EFR3B: variants seen among roughly 807,000 people sequenced by gnomAD.
The protein encoded by EFR3B is protein EFR3 homolog B.
EFR3B carries 64 observed loss-of-function variants against 104.7 expected under a neutral mutation model. The ratio of observed to expected loss-of-function variants is 0.61; its 90% CI spans 0.50 to 0.75. EFR3B has a LOEUF of 0.75. EFR3B is among the 30% of genes least tolerant of loss of function. The pLI, the probability that EFR3B is intolerant of heterozygous loss-of-function variation, is 0.00. For synonymous variants in EFR3B, 385 were observed against 417.9 expected, an observed-to-expected ratio of 0.92 and a Z score of 0.96; for missense variants, 750 against 1,078.5, an observed-to-expected ratio of 0.70 and a Z score of 4.27.
chr2:25,076,729 AAATC>A (rs1461666290), intron 1 of EFR3B, among the ~76,000 whole-genome samples: 1 of 152,218 alleles, frequency 6.6e-6, no homozygotes, highest in Non-Finnish European at 1.5e-5. Flanking sequence ...CCCTGACATT[AAATC>A]AATCAGACAC....
At chr2:25,144,883 A>C in intron 18 of EFR3B, 77 bp from the exon 19 acceptor site, 1 of 1,267,216 alleles carries the variant, frequency 7.9e-7, no homozygotes, top group Non-Finnish European at 1.1e-6. Context: ...GCAGAGGGGT[A>C]GGGAGGTGGG....
intron 5 of EFR3B, among the ~76,000 whole-genome samples, chr2:25,123,786 C>T (rs1346983154): frequency 6.6e-6 from 1 of 152,268 alleles, no homozygotes; most frequent in African/African-American, 2.4e-5. Context: ...ACTCATGCCA[C>T]TGCACACACG....
chr2:25,089,373 C>T (rs957929325), intron 1 of EFR3B, among the ~76,000 whole-genome samples: 1 of 152,184 alleles, frequency 6.6e-6, no homozygotes, highest in African/African-American at 2.4e-5. Context: ...CAGGCCTCAG[C>T]TCACAGGCCC....
chr2:25,108,429 A>G (rs1046185567), intron 4 of EFR3B, among the ~76,000 whole-genome samples: 4 of 152,216 alleles, frequency 2.6e-5, no homozygotes, highest in African/African-American at 9.6e-5. Flanking sequence ...CTCTACATAA[A>G]CAATCTAATA....
chr2:25,045,527 A>T (rs1351892074), intron 1 of EFR3B, among the ~76,000 whole-genome samples: 1 of 152,220 alleles, frequency 6.6e-6, no homozygotes, highest in Non-Finnish European at 1.5e-5. Context: ...CACGCCTGTT[A>T]TCCCAGCACT....
Position 25,090,938 on chromosome 2 carries a change from G to A in EFR3B, c.8-387G>A, listed in dbSNP as rs561445200. Among the ~76,000 whole-genome samples the A allele has an allele frequency of 2.6e-5, 4 of 152,310 alleles. No individual in the cohort carries two copies. The East Asian group carries it at 5.8e-4, about 22-fold the overall frequency. ...AGTTTCATATTCCTGTCCCGGAAACGTGAGTGTGTGTCTGTGTGTGAGTGT... is the reference window on the plus strand; with the variant it reads ...AGTTTCATATTCCTGTCCCGGAAACATGAGTGTGTGTCTGTGTGTGAGTGT... On this transcript the variant is annotated intron_variant, in intron 1 of 22. Transcript: ENST00000403714.
At chr2:25,145,195 C>T (rs907467652) in intron 19 of EFR3B, 144 bp downstream of exon 19, 1 of 715,760 alleles carries the variant, frequency 1.4e-6, no homozygotes, top group African/African-American at 1.8e-5. Context: ...ACTGACTCTC[C>T]CCACGTATGC....
intron 1 of EFR3B, among the ~76,000 whole-genome samples, chr2:25,047,147 G>A (rs1441774731): frequency 6.6e-6 from 1 of 152,130 alleles, no homozygotes; most frequent in Non-Finnish European, 1.5e-5. Context: ...GAAAAATCTG[G>A]AAAAGAGTGG....
At chr2:25,103,835 G>T (rs1669491578) in intron 4 of EFR3B, 48 bp downstream of exon 4, 1 of 1,547,294 alleles carries the variant, frequency 6.5e-7, no homozygotes, top group Non-Finnish European at 8.7e-7. Flanking sequence ...GCATCCTGGG[G>T]GGTGGCAGGG....
chr2:25,045,060 TGTG>T (rs2149161136), intron 1 of EFR3B, among the ~76,000 whole-genome samples: 1 of 152,350 alleles, frequency 6.6e-6, no homozygotes, highest in South Asian at 2.1e-4. Flanking sequence ...CCAGGTCTGT[TGTG>T]AGCATCACAA....
chr2:25,138,935 A>C (rs1670589379), intron 15 of EFR3B, 124 bp from the exon 16 acceptor site: 3 of 1,367,188 alleles, frequency 2.2e-6, no homozygotes. Context: ...TCAAATGCTG[A>C]GAAAGACTTA....
intron 5 of EFR3B, among the ~76,000 whole-genome samples, chr2:25,126,769 A>G (rs563667302): frequency 6.6e-6 from 1 of 152,068 alleles, no homozygotes; most frequent in South Asian, 2.1e-4. Context: ...TGCTGGGGTT[A>G]CAGGTGTGAG....
chr2:25,129,390 G>T (rs1670266580), intron 6 of EFR3B, among the ~76,000 whole-genome samples: 1 of 150,790 alleles, frequency 6.6e-6, no homozygotes, highest in Admixed American at 6.6e-5. Context: ...GGGTTCGTAT[G>T]CCATCTGGTG....
At chr2:25,118,752 A>AAAAAAAAAC (rs1290965691) in intron 4 of EFR3B, among the ~76,000 whole-genome samples, 1 of 148,386 alleles carries the variant, frequency 6.7e-6, no homozygotes. Context: ...AAAAAAAAAA[A>AAAAAAAAAC]AAAAAAGGCA....
At chr2:25,107,114 C>T (rs994942398) in intron 4 of EFR3B, among the ~76,000 whole-genome samples, 2 of 152,128 alleles carry the variant, frequency 1.3e-5, no homozygotes, top group African/African-American at 2.4e-5. Flanking sequence ...GTGATTCTTT[C>T]GGCCCCTGTG....
chr2:25,138,328 G>A (rs556295832), intron 15 of EFR3B, among the ~76,000 whole-genome samples: 1 of 152,308 alleles, frequency 6.6e-6, no homozygotes, highest in African/African-American at 2.4e-5. Context: ...CCTCCTTTGC[G>A]ATGCGCAGGC....
At chr2:25,141,499 T>A in intron 17 of EFR3B, 66 bp downstream of exon 17, 1 of 1,525,142 alleles carries the variant, frequency 6.6e-7, no homozygotes, top group Non-Finnish European at 8.9e-7. Flanking sequence ...GTGGGTGGTC[T>A]GAGGTCAGGA....
intron 4 of EFR3B, among the ~76,000 whole-genome samples, chr2:25,108,721 GGGCACAGT>G (rs1300116525): frequency 1.3e-4 from 20 of 152,196 alleles, no homozygotes; most frequent in African/African-American, 4.6e-4. Flanking sequence ...AACTTTGTCT[GGGCACAGT>G]GGCTTATTCT....
intron 17 of EFR3B, among the ~76,000 whole-genome samples, chr2:25,142,619 TGTG>T (rs1323707705): frequency 6.7e-6 from 1 of 150,058 alleles, no homozygotes; most frequent in African/African-American, 2.5e-5. Flanking sequence ...ATTAGCCAGG[TGTG>T]GTGGCGTGCG....
Sources: allele counts gnomAD v4.1 joint callset (sites outside exome capture counted in the v4.1 genomes callset), GRCh38; gene constraint gnomAD v4.1.1; transcripts MANE v1.5; gene names NCBI Gene and HGNC (gene_info 2026-07-23, HGNC 2026-07-21).